Variants in RPGRIP1 observed in about 807,000 individuals in gnomAD.
RPGRIP1 encodes the protein X-linked retinitis pigmentosa GTPase regulator-interacting protein 1.
RPGRIP1 carries 128 observed loss-of-function variants against 157.9 expected under a neutral mutation model. The ratio of observed to expected loss-of-function variants is 0.81; its 90% CI spans 0.70 to 0.94. The LOEUF is 0.94. RPGRIP1 is among the 40% of genes least tolerant of loss of function. The pLI is 0.00. For synonymous variants in RPGRIP1, 554 were observed against 571.6 expected, an observed-to-expected ratio of 0.97 and a Z score of 0.44; for missense variants, 1,486 against 1,545.8, an observed-to-expected ratio of 0.96 and a Z score of 0.65.
At chr14:21,298,067 G>A (rs1415858055) in intron 3 of RPGRIP1, among the ~76,000 whole-genome samples, 2 of 152,008 alleles carry the variant, frequency 1.3e-5, no homozygotes, top group African/African-American at 4.8e-5. Context: ...CTGGAGAGAA[G>A]GATGTTTGGT....
At chr14:21,310,253 T>C (rs1881488593) in intron 7 of RPGRIP1, among the ~76,000 whole-genome samples, 1 of 151,688 alleles carries the variant, frequency 6.6e-6, no homozygotes, top group Admixed American at 6.6e-5. Flanking sequence ...TTTTTTTTAC[T>C]AAAACTGAAG....
chr14:21,307,645 G>T (rs1381197129), intron 6 of RPGRIP1, 86 bp from the exon 7 acceptor site: 4 of 802,912 alleles, frequency 5.0e-6, no homozygotes, highest in East Asian at 5.4e-5. Flanking sequence ...CAAGAGGGAG[G>T]TATTCTTACT....
chr14:21,303,879 T>C (rs1056690973), intron 6 of RPGRIP1, among the ~76,000 whole-genome samples: 1 of 150,842 alleles, frequency 6.6e-6, no homozygotes, highest in African/African-American at 2.4e-5. Context: ...TCCCAGCTAC[T>C]AGGGAGGCTG....
chr14:21,281,899 C>A (rs917728334), intron 1 of RPGRIP1, among the ~76,000 whole-genome samples: 3 of 151,500 alleles, frequency 2.0e-5, no homozygotes, highest in African/African-American at 7.3e-5. Flanking sequence ...TCGAGACCAG[C>A]CTGGCCAAAA....
rs375227513 is a variant in RPGRIP1 at position 21,282,297 on chromosome 14, C to T, written c.-39+2138C>T. Among the ~76,000 whole-genome samples the T allele has an allele frequency of 4.6e-5, 7 of 151,966 alleles. No homozygotes were observed. The East Asian group carries it at 1.2e-3, about 25-fold the overall frequency. The stretch of plus-strand genomic sequence containing the variant: ...CTGTCACCCGGCTGGAGTGCAGTGG[C>T]GTGATCTCACCTCACTGCAATCTCT... On this transcript the variant is annotated intron_variant, in intron 1 of 24. Coordinates refer to ENST00000400017, the MANE Select transcript of RPGRIP1 (RefSeq NM_020366.4).
intron 12 of RPGRIP1, among the ~76,000 whole-genome samples, chr14:21,320,583 G>T (rs1054765174): frequency 1.4e-5 from 2 of 140,994 alleles, no homozygotes; most frequent in South Asian, 2.3e-4. Flanking sequence ...AAGCCACCGC[G>T]CCCGGCCCAC....
intron 21 of RPGRIP1, among the ~76,000 whole-genome samples, chr14:21,342,392 A>AAAGGG (rs964248577): frequency 6.6e-6 from 1 of 151,892 alleles, no homozygotes; most frequent in Middle Eastern, 3.2e-3. Flanking sequence ...AAAAAATAAA[A>AAAGGG]ATAATTGTCC....
At chr14:21,339,593 T>C (rs1884779111) in intron 21 of RPGRIP1, among the ~76,000 whole-genome samples, 1 of 152,216 alleles carries the variant, frequency 6.6e-6, no homozygotes, top group African/African-American at 2.4e-5. Flanking sequence ...TCCATGTCGA[T>C]ATATTTAGCT....
At chr14:21,329,963 G>C (rs980716905) in intron 19 of RPGRIP1, among the ~76,000 whole-genome samples, 9 of 150,266 alleles carry the variant, frequency 6.0e-5, no homozygotes, top group African/African-American at 2.2e-4. Flanking sequence ...ACTAAAAATA[G>C]AAAAATTAGT....
chr14:21,299,348 G>C lies in RPGRIP1; in HGVS notation c.219-1618G>C, dbSNP rs563487815. 8.6e-5 allele frequency among the ~76,000 whole-genome samples: 13 copies of C among 151,978 alleles called. No individual in the cohort carries two copies. In the South Asian group the frequency reaches 1.9e-3, roughly 22 times the overall value. On this transcript the variant is annotated intron_variant, in intron 3 of 24. Coordinates refer to ENST00000400017, the MANE Select transcript of RPGRIP1 (RefSeq NM_020366.4). Reference sequence around the variant, plus strand: ...TGAGAACTTGAGAATCTAGTGACTTGAGTGAAGTCAGAAGGTTGTATGGGC... The same window carrying C: ...TGAGAACTTGAGAATCTAGTGACTTCAGTGAAGTCAGAAGGTTGTATGGGC...
chr14:21,345,748 G>A (rs1422780303), intron 23 of RPGRIP1, among the ~76,000 whole-genome samples: 2 of 152,034 alleles, frequency 1.3e-5, no homozygotes, highest in Non-Finnish European at 2.9e-5. Context: ...ATGCCAGCCT[G>A]ATGGGCCCTT....
At chr14:21,290,763 G>A (rs1035152671) in intron 2 of RPGRIP1, among the ~76,000 whole-genome samples, 1 of 151,310 alleles carries the variant, frequency 6.6e-6, no homozygotes, top group African/African-American at 2.4e-5. Context: ...TGCTTGCAGT[G>A]AGCCGAGATC....
At chr14:21,324,485 A>T in intron 14 of RPGRIP1, 133 bp from the exon 15 acceptor site, 1 of 765,310 alleles carries the variant, frequency 1.3e-6, no homozygotes. Flanking sequence ...TTCCTTTTGA[A>T]TCACGTGGTT....
intron 21 of RPGRIP1, among the ~76,000 whole-genome samples, chr14:21,338,007 C>T (rs919236430): frequency 6.6e-6 from 1 of 152,106 alleles, no homozygotes; most frequent in South Asian, 2.1e-4. Context: ...ACCTCCGCCC[C>T]CCAGGTTCAA....
intron 14 of RPGRIP1, chr14:21,324,269 A>G: frequency 5.7e-6 from 2 of 352,314 alleles, no homozygotes; most frequent in Non-Finnish European, 1.1e-5. Context: ...TTGTGTTTCT[A>G]GTACTTCTCT....
chr14:21,310,790 G>A, intron 8 of RPGRIP1, 183 bp downstream of exon 8: 1 of 679,090 alleles, frequency 1.5e-6, no homozygotes, highest in South Asian at 1.6e-5. Context: ...GATACTTATT[G>A]CACTGTTTTC....
At chr14:21,314,835 A>G (rs1185122800) in intron 10 of RPGRIP1, among the ~76,000 whole-genome samples, 2 of 152,020 alleles carry the variant, frequency 1.3e-5, no homozygotes. Context: ...CAGCCTGAGC[A>G]ACATTGCAAA....
At chr14:21,319,249 A>C (rs1384676206) in intron 11 of RPGRIP1, among the ~76,000 whole-genome samples, 1 of 152,086 alleles carries the variant, frequency 6.6e-6, no homozygotes, top group Non-Finnish European at 1.5e-5. Context: ...CTAAACACCG[A>C]TTACCTTTAT....
At chr14:21,296,458 C>T (rs537941932) in intron 3 of RPGRIP1, among the ~76,000 whole-genome samples, 2 of 151,964 alleles carry the variant, frequency 1.3e-5, no homozygotes, top group East Asian at 2.0e-4. Flanking sequence ...AGGTGATCCA[C>T]CCACCTTGGC....
Sources: gnomAD v4.1 joint callset for allele counts (sites outside exome capture counted in the v4.1 genomes callset) on GRCh38, gnomAD v4.1.1 for gene constraint, MANE v1.5 for transcripts, NCBI Gene and HGNC (gene_info 2026-07-23, HGNC 2026-07-21) for gene names.